The following NBAS variants were observed in gnomAD, a reference collection of about 807,000 sequenced individuals.
The protein encoded by NBAS is NBAS subunit of NRZ tethering complex.
In NBAS, 219 loss-of-function variants were observed where a neutral mutation model predicts 302.5. The observed-to-expected ratio is 0.72, with a 90% CI of 0.65 to 0.81. The LOEUF (loss-of-function observed/expected upper bound fraction) is 0.81. Ranked by LOEUF, NBAS falls within the 30% of genes least tolerant of loss-of-function variation. NBAS has a pLI of 0.00. For synonymous variants in NBAS, 1,118 were observed against 1,021.6 expected, an observed-to-expected ratio of 1.09 and a Z score of -1.80; for missense variants, 2,932 against 2,841.6, an observed-to-expected ratio of 1.03 and a Z score of -0.72.
intron 44 of NBAS, among the ~76,000 whole-genome samples, chr2:15,270,037 C>T (rs1206051060): frequency 6.6e-6 from 1 of 152,142 alleles, no homozygotes; most frequent in African/African-American, 2.4e-5. Flanking sequence ...TCTATTAAGC[C>T]GGACATGAAA....
intron 9 of NBAS, among the ~76,000 whole-genome samples, chr2:15,520,979 T>A (rs901138077): frequency 5.9e-5 from 9 of 152,248 alleles, no homozygotes; most frequent in Non-Finnish European, 1.2e-4. Flanking sequence ...TCAGCATATA[T>A]AAGTATCTGG....
chr2:15,098,912 T>C, the NBAS span, among the ~76,000 whole-genome samples: 1 of 151,418 alleles, frequency 6.6e-6, no homozygotes, highest in Non-Finnish European at 1.5e-5. Flanking sequence ...AAGCCTAAAA[T>C]ATTCATTACT....
intron 45 of NBAS, among the ~76,000 whole-genome samples, chr2:15,237,589 TA>T (rs1667653243): frequency 6.7e-6 from 1 of 148,520 alleles, no homozygotes. Context: ...TTTATTTATT[TA>T]TTTATTTATT....
At chr2:15,509,749 G>A (rs957422583) in intron 10 of NBAS, among the ~76,000 whole-genome samples, 1 of 152,138 alleles carries the variant, frequency 6.6e-6, no homozygotes, top group Non-Finnish European at 1.5e-5. Context: ...GTTTGATTAT[G>A]TTGTGTTTCA....
intron 38 of NBAS, among the ~76,000 whole-genome samples, chr2:15,313,694 T>A (rs1671379320): frequency 1.3e-5 from 2 of 152,236 alleles, no homozygotes; most frequent in Non-Finnish European, 2.9e-5. Context: ...GAGCATCTCC[T>A]CCAGAAATGC....
chr2:15,062,860 A>G, the NBAS span, among the ~76,000 whole-genome samples: 1 of 152,314 alleles, frequency 6.6e-6, no homozygotes, highest in Non-Finnish European at 1.5e-5. Context: ...CAGTCAATCA[A>G]AACAATGCAA....
chr2:15,326,832 A>C (rs1672091594), intron 38 of NBAS, among the ~76,000 whole-genome samples: 1 of 152,156 alleles, frequency 6.6e-6, no homozygotes, highest in Non-Finnish European at 1.5e-5. Context: ...CGCACAGTGG[A>C]TAGGGAAGTG....
intron 6 of NBAS, among the ~76,000 whole-genome samples, chr2:15,542,033 G>T (rs1207628939): frequency 5.1e-5 from 4 of 77,926 alleles, no homozygotes; most frequent in Admixed American, 3.8e-4. Flanking sequence ...CCGGCCAGCC[G>T]CCCCGTCCAG....
the NBAS span, among the ~76,000 whole-genome samples, chr2:14,865,367 A>T: frequency 6.6e-6 from 1 of 152,274 alleles, no homozygotes; most frequent in Admixed American, 6.5e-5. Flanking sequence ...GGAAAGAAGT[A>T]GGAAAATGTG....
At chr2:15,292,176 T>C (rs1457747609) in intron 41 of NBAS, among the ~76,000 whole-genome samples, 1 of 152,188 alleles carries the variant, frequency 6.6e-6, no homozygotes, top group Non-Finnish European at 1.5e-5. Flanking sequence ...GGTTTTGCCA[T>C]GTTGGCCAGG....
chr2:15,153,270 G>A, the NBAS span, among the ~76,000 whole-genome samples: 3 of 152,196 alleles, frequency 2.0e-5, no homozygotes, highest in Non-Finnish European at 4.4e-5. Context: ...TGCGCCATAG[G>A]CAGATACAAT....
At chr2:15,141,491 T>A in the NBAS span, among the ~76,000 whole-genome samples, 1 of 152,188 alleles carries the variant, frequency 6.6e-6, no homozygotes, top group Admixed American at 6.5e-5. Flanking sequence ...TTTCTCTTGA[T>A]CTGTTTCTTA....
chr2:14,808,088 A>G, the NBAS span, among the ~76,000 whole-genome samples: 10 of 152,258 alleles, frequency 6.6e-5, no homozygotes, highest in Non-Finnish European at 1.3e-4. Context: ...TTCAAAAAGA[A>G]TGAATTACTT....
chr2:15,352,273 G>C (rs926894661), intron 34 of NBAS, among the ~76,000 whole-genome samples, 192 bp from the exon 35 acceptor site: 15 of 152,212 alleles, frequency 9.9e-5, no homozygotes, highest in African/African-American at 3.4e-4. Flanking sequence ...CAGAAGTGGG[G>C]ATCAAGTGTG....
At chr2:14,787,741 G>C in the NBAS span, among the ~76,000 whole-genome samples, 1 of 152,104 alleles carries the variant, frequency 6.6e-6, no homozygotes, top group African/African-American at 2.4e-5. Context: ...CTTTCTCTCT[G>C]GCTGCCCTTA....
At chr2:15,448,814 G>C (rs1225649288) in intron 21 of NBAS, among the ~76,000 whole-genome samples, 6 of 152,106 alleles carry the variant, frequency 3.9e-5, no homozygotes, top group African/African-American at 1.4e-4. Context: ...ATTAGAAAAA[G>C]GGTTTATTTA....
intron 48 of NBAS, among the ~76,000 whole-genome samples, chr2:15,194,653 T>C (rs1284214697): frequency 2.0e-5 from 3 of 152,182 alleles, no homozygotes; most frequent in Non-Finnish European, 4.4e-5. Flanking sequence ...CAATAGACTG[T>C]TCTTTTCCAC....
the NBAS span, among the ~76,000 whole-genome samples, chr2:14,781,099 T>G: frequency 6.6e-6 from 1 of 152,156 alleles, no homozygotes; most frequent in Non-Finnish European, 1.5e-5. Context: ...ATAAACAAAA[T>G]GAAAAATGTT....
At chr2:15,531,528 C>T (rs1303166911) in intron 9 of NBAS, among the ~76,000 whole-genome samples, 1 of 152,044 alleles carries the variant, frequency 6.6e-6, no homozygotes, top group African/African-American at 2.4e-5. Flanking sequence ...CAAAACGTGG[C>T]AAATTAAAAA....
Sources: allele counts gnomAD v4.1 joint callset (sites outside exome capture counted in the v4.1 genomes callset), GRCh38; gene constraint gnomAD v4.1.1; transcripts MANE v1.5; gene names NCBI Gene and HGNC (gene_info 2026-07-23, HGNC 2026-07-21).